SLC25A19: variants seen among roughly 807,000 people sequenced by gnomAD.
The protein encoded by SLC25A19 is mitochondrial thiamine pyrophosphate carrier.
In SLC25A19, 18 loss-of-function variants were observed where a neutral mutation model predicts 27.9. The observed-to-expected ratio is 0.64, with a 90% CI of 0.45 to 0.96. The LOEUF is 0.96. Among genes scored for constraint, SLC25A19 ranks in the 40% least tolerant of loss-of-function variants. SLC25A19 has a pLI of 0.00. For synonymous variants in SLC25A19, 169 were observed against 167.1 expected (o/e 1.01, Z -0.09); for missense variants, 371 against 418.3 (o/e 0.89, Z 0.99).
At chr17:75,281,019 T>A (rs926438384) in intron 5 of SLC25A19, among the ~76,000 whole-genome samples, 2 of 146,972 alleles carry the variant, frequency 1.4e-5, no homozygotes, top group Non-Finnish European at 3.0e-5. Context: ...ACCCTGCCCC[T>A]ACAAAAAATA....
At chr17:75,287,450 C>T (rs73358204) in intron 2 of SLC25A19, 8,025 of 152,570 alleles carry the variant, frequency 0.053, 684 homozygotes, top group African/African-American at 0.18. Flanking sequence ...GTCTCTCTCC[C>T]TGACTAGAAT....
chr17:75,286,890 C>T, intron 2 of SLC25A19, 88 bp from the exon 3 acceptor site: 1 of 1,261,468 alleles, frequency 7.9e-7, no homozygotes, highest in Non-Finnish European at 1.1e-6. Context: ...CCCTCCCTGA[C>T]TAGACTGTCT....
At chr17:75,277,204 C>A in intron 7 of SLC25A19, 149 bp downstream of exon 7, 1 of 1,017,278 alleles carries the variant, frequency 9.8e-7, no homozygotes, top group Non-Finnish European at 1.4e-6. Flanking sequence ...AGCTTTCCCA[C>A]ATGCTTAGGG....
chr17:75,284,968 G>A (rs2385210), intron 4 of SLC25A19, among the ~76,000 whole-genome samples: 24,566 of 150,948 alleles, frequency 0.16, 2,348 homozygotes, highest in Middle Eastern at 0.28. Flanking sequence ...AGGCAAGGTC[G>A]TGCTCAGTTG....
At chr17:75,279,867 G>T (rs1322448072) in intron 5 of SLC25A19, among the ~76,000 whole-genome samples, 4 of 152,048 alleles carry the variant, frequency 2.6e-5, no homozygotes, top group African/African-American at 9.7e-5. Flanking sequence ...GGAGTGCAAT[G>T]GTGCAATCAT....
chr17:75,273,913 A>G (rs995917788), intron 7 of SLC25A19: 4 of 392,190 alleles, frequency 1.0e-5, no homozygotes, highest in Non-Finnish European at 9.7e-6. Flanking sequence ...GGCACACAAC[A>G]CCACGCCTGG....
At chr17:75,283,187 G>C (rs970999651) in intron 5 of SLC25A19, among the ~76,000 whole-genome samples, 2 of 148,878 alleles carry the variant, frequency 1.3e-5, no homozygotes, top group African/African-American at 5.0e-5. Flanking sequence ...TGTAATCCCA[G>C]CTACTCGGGA....
chr17:75,274,634 C>T (rs962312098), intron 7 of SLC25A19, among the ~76,000 whole-genome samples: 1 of 152,158 alleles, frequency 6.6e-6, no homozygotes, highest in African/African-American at 2.4e-5. Flanking sequence ...CATCGGCTCC[C>T]TGTCCAAATT....
intron 5 of SLC25A19, among the ~76,000 whole-genome samples, chr17:75,282,091 G>A (rs2078052519): frequency 6.6e-6 from 1 of 151,060 alleles, no homozygotes; most frequent in Non-Finnish European, 1.5e-5. Context: ...GCAACATGAC[G>A]AAACCCCGTC....
At chr17:75,276,149 C>A (rs1400841970) in intron 7 of SLC25A19, among the ~76,000 whole-genome samples, 1 of 151,894 alleles carries the variant, frequency 6.6e-6, no homozygotes, top group South Asian at 2.1e-4. Flanking sequence ...GTGGCACGCG[C>A]TTGTAATCCC....
chr17:75,286,518 C>T (rs2078185870), intron 3 of SLC25A19, 59 bp from the exon 4 acceptor site: 1 of 1,613,208 alleles, frequency 6.2e-7, no homozygotes, highest in South Asian at 1.1e-5. Context: ...TGAAGGGGAA[C>T]TTTCAGAAAA....
Position 75,273,496 on chromosome 17 carries a change from G to A in SLC25A19, c.918C>T (p.Phe306=), listed in dbSNP as rs113513403. ...TGFMFFSYEF[F]CNVFHCMNRT... ...TGTTCATGCAGTGGAAGACATTACA[G>A]AAGAATTCATACGAGAAGAACATGA... Residue 306 remains phenylalanine, a synonymous_variant, in exon 8 of 8, where the codon TTC becomes TTT. Transcript: ENST00000416858. 5.0e-6 allele frequency: 8 copies of A among 1,614,180 alleles called. No homozygotes were observed. Among genetic ancestry groups the A allele is most frequent in the African/African-American group, 4.0e-5 (3 of 75,072 alleles).
intron 4 of SLC25A19, among the ~76,000 whole-genome samples, 199 bp downstream of exon 4, chr17:75,286,105 G>A (rs1336044124): frequency 6.6e-6 from 1 of 152,236 alleles, no homozygotes; most frequent in Non-Finnish European, 1.5e-5. Flanking sequence ...AAGTCACACA[G>A]GATAGACGCA....
At chr17:75,277,690 C>T (rs535254874) in intron 6 of SLC25A19, among the ~76,000 whole-genome samples, 12 of 152,136 alleles carry the variant, frequency 7.9e-5, no homozygotes, top group Admixed American at 2.0e-4. Context: ...TGGAGTGATC[C>T]GGGCTGGAAG....
At chr17:75,282,454 CAGG>C (rs2078061896) in intron 5 of SLC25A19, among the ~76,000 whole-genome samples, 1 of 152,018 alleles carries the variant, frequency 6.6e-6, no homozygotes, top group Non-Finnish European at 1.5e-5. Context: ...GAGGCGGAGG[CAGG>C]AGAACTGCTT....
intron 5 of SLC25A19, among the ~76,000 whole-genome samples, chr17:75,280,802 A>C (rs1031430221): frequency 6.6e-6 from 1 of 151,808 alleles, no homozygotes; most frequent in Non-Finnish European, 1.5e-5. Flanking sequence ...TTAGCTGGGC[A>C]TGGTAGCGGA....
At chr17:75,285,386 T>C (rs1220503319) in intron 4 of SLC25A19, among the ~76,000 whole-genome samples, 4 of 152,230 alleles carry the variant, frequency 2.6e-5, no homozygotes, top group Admixed American at 6.5e-5. Context: ...ATGCTGGGAT[T>C]ACAGGTGTGA....
At chr17:75,277,695 T>C (rs970772942) in intron 6 of SLC25A19, among the ~76,000 whole-genome samples, 5 of 152,018 alleles carry the variant, frequency 3.3e-5, no homozygotes, top group Admixed American at 3.3e-4. Flanking sequence ...TGATCCGGGC[T>C]GGAAGGGTTG....
chr17:75,276,936 G>A lies in SLC25A19; in HGVS notation c.774+417C>T, dbSNP rs563766309. 2.0e-5 allele frequency among the ~76,000 whole-genome samples: 3 copies of A among 150,930 alleles called. No homozygotes were observed. In the East Asian group the frequency reaches 5.9e-4, roughly 30 times the overall value. ...CTGACCTCGTGATCCACCCACCTTG[G>A]CCTCCCAAAGTGCTGGGATTACAGG... On this transcript the variant is annotated intron_variant, in intron 7 of 7. Transcript: ENST00000416858.
Sources: allele counts gnomAD v4.1 joint callset (sites outside exome capture counted in the v4.1 genomes callset), GRCh38; gene constraint gnomAD v4.1.1; transcripts MANE v1.5; gene names NCBI Gene and HGNC (gene_info 2026-07-23, HGNC 2026-07-21).